The following PXYLP1 variants were observed in gnomAD, a reference collection of about 807,000 sequenced individuals.
The protein encoded by PXYLP1 is 2-phosphoxylose phosphatase 1.
Under a neutral mutation model 37.9 loss-of-function variants are expected in PXYLP1, and 17 were observed. The observed-to-expected ratio is 0.45, with a 90% confidence interval of 0.31 to 0.67. The LOEUF (loss-of-function observed/expected upper bound fraction) is 0.67, where lower values mean the gene tolerates loss of function less well. Ranked by LOEUF, PXYLP1 falls within the 30% of genes least tolerant of loss-of-function variation. PXYLP1 has a pLI of 0.07. For missense variants in PXYLP1, 511 were observed against 612.0 expected (o/e 0.84, Z 1.74); for synonymous variants, 221 against 232.2 (o/e 0.95, Z 0.44).
chr3:141,275,835 A>G (rs1273836831), intron 2 of PXYLP1, among the ~76,000 whole-genome samples: 2 of 152,172 alleles, frequency 1.3e-5, no homozygotes, highest in Non-Finnish European at 2.9e-5. Context: ...GCATAGAAAT[A>G]CAGAAATATA....
rs369687602 is a variant in PXYLP1, at chr3:141,278,994, C to G, written c.239-384C>G. ...TTGAATCCTTATTGATCTCTTTATG[C>G]CTTCTCTGGTCTCATGAAAGATTTA... On this transcript the variant is annotated intron_variant, in intron 3 of 5. Transcript: ENST00000286353. 2.1e-3 allele frequency among the ~76,000 whole-genome samples: 320 copies of G among 152,342 alleles called. 1 individual carries two copies. The highest frequency in any genetic ancestry group is 0.015 in the South Asian group (74 of 4,828).
intron 1 of PXYLP1, among the ~76,000 whole-genome samples, chr3:141,233,258 G>A (rs1940575381): frequency 6.6e-6 from 1 of 152,036 alleles, no homozygotes; most frequent in Non-Finnish European, 1.5e-5. Flanking sequence ...ACCAGAGGTC[G>A]GGAGTTCGAG....
chr3:141,268,168 G>A (rs990775890), intron 2 of PXYLP1, among the ~76,000 whole-genome samples: 1 of 129,600 alleles, frequency 7.7e-6, no homozygotes, highest in Non-Finnish European at 1.6e-5. Flanking sequence ...GGTGGGTGGG[G>A]GAGAGAGAGA....
intron 1 of PXYLP1, among the ~76,000 whole-genome samples, chr3:141,238,354 GC>G (rs1363922457): frequency 6.6e-6 from 1 of 152,210 alleles, no homozygotes; most frequent in Non-Finnish European, 1.5e-5. Flanking sequence ...TGCCCGACTA[GC>G]ACCTGCCATC....
chr3:141,271,876 C>T (rs543919886), intron 2 of PXYLP1, among the ~76,000 whole-genome samples: 10 of 152,302 alleles, frequency 6.6e-5, no homozygotes, highest in East Asian at 3.9e-4. Flanking sequence ...CAGCCCCCAC[C>T]GGGCCATGGG....
At position 141,278,442 on chromosome 3, in the gene PXYLP1, C is replaced by G. The variant is rs754497831; in HGVS notation, c.180C>G (p.Pro60=). 4 of 1,614,088 alleles carry G rather than the reference C, an allele frequency of 2.5e-6. No homozygotes were observed. In the South Asian group the frequency reaches 4.4e-5, roughly 18 times the overall value. ...TGACGGAGCCCCCTGTGACAGACCC[C>G]GTTTATGAAGCTCTTTTGTACTGCA... ...DPVTEPPVTD[P]VYEALLYCNI... is the part of the protein sequence containing the mutation. Residue 60 remains proline, a synonymous_variant, in exon 3 of 6, where the codon CCC becomes CCG. Transcript: ENST00000286353.
chr3:141,268,868 C>A (rs1405133188), intron 2 of PXYLP1, among the ~76,000 whole-genome samples: 1 of 152,158 alleles, frequency 6.6e-6, no homozygotes, highest in Non-Finnish European at 1.5e-5. Flanking sequence ...GATGCATGGC[C>A]CCTCTCTAGG....
intron 1 of PXYLP1, among the ~76,000 whole-genome samples, chr3:141,248,244 G>A (rs1941010869): frequency 6.6e-6 from 1 of 151,786 alleles, no homozygotes; most frequent in Non-Finnish European, 1.5e-5. Context: ...TGTTGGTTAG[G>A]CTGGTCTCGA....
intron 4 of PXYLP1, among the ~76,000 whole-genome samples, chr3:141,286,542 T>A (rs1258829709): frequency 3.3e-5 from 5 of 152,024 alleles, no homozygotes; most frequent in Admixed American, 3.3e-4. Context: ...GTGGTGGAAG[T>A]GTTGAAGAAT....
At chr3:141,233,252 G>A (rs753960466) in intron 1 of PXYLP1, among the ~76,000 whole-genome samples, 13 of 152,276 alleles carry the variant, frequency 8.5e-5, no homozygotes, top group Non-Finnish European at 1.5e-4. Context: ...CGGATCACCA[G>A]AGGTCGGGAG....
chr3:141,256,239 C>T lies in PXYLP1; in HGVS notation c.-53-3884C>T, dbSNP rs545683048. ...AGGGCTCTGCCTGTTGTGAGATTTG[C>T]TCCCCACCGCCACCTGCTCTTTTGT... On this transcript the variant is annotated intron_variant, in intron 1 of 5. Transcript: ENST00000286353. Among the ~76,000 whole-genome samples, 3 of 152,254 alleles carry T rather than the reference C, an allele frequency of 2.0e-5. No homozygotes were observed. In the South Asian group the frequency reaches 6.2e-4, roughly 32 times the overall value.
At chr3:141,282,824 C>G (rs1241098060) in intron 4 of PXYLP1, among the ~76,000 whole-genome samples, 1 of 152,190 alleles carries the variant, frequency 6.6e-6, no homozygotes, top group Non-Finnish European at 1.5e-5. Context: ...AGGTTTCTGA[C>G]TGGGTGTCTG....
chr3:141,231,850 G>GGCGGCGA lies in PXYLP1; in HGVS notation c.-111_-105dup, dbSNP rs1161997361. On this transcript the variant is annotated 5_prime_UTR_variant, in exon 1 of 6. Coordinates refer to ENST00000286353, the MANE Select transcript of PXYLP1 (RefSeq NM_001037172.3). This position sits in a 1 kb window ranked among gnomAD's most constrained non-coding sequence, Gnocchi z 4.4. ...GCCTCCCCTCGCGCCGGGAGGAGCT[G>GGCGGCGA]GCGGCGAGCGCCGAGCCGGGCGCGC... 3.2e-4 allele frequency: 48 copies of GGCGGCGA among 150,916 alleles called. No homozygotes were observed. The highest frequency in any genetic ancestry group is 1.1e-3 in the African/African-American group (46 of 41,380). 9.3% of individuals were successfully genotyped at this position (150,916 alleles called of 1,614,324 possible).
chr3:141,292,650 C>T lies in PXYLP1; in HGVS notation c.888C>T (p.Asp296=). ...AGCTTAGAGCTGCCAACCCCATAGA[C>T]TCCATGCTCTGCCACTTCTGCCACA... is the stretch of plus-strand genomic sequence containing the variant. The part of the protein sequence containing the change: ...TKQLRAANPI[D]SMLCHFCHNV... Residue 296 remains aspartate (D), a synonymous_variant, in exon 6 of 6, where the codon GAC becomes GAT. Transcript: ENST00000286353. The surrounding 1 kb of genome is among the most constrained non-coding windows in gnomAD (Gnocchi z 4.3). The T allele has an allele frequency of 6.2e-7, 1 of 1,613,376 alleles. No individual in the cohort carries two copies. Among genetic ancestry groups the T allele is most frequent in the Non-Finnish European group, 8.5e-7 (1 of 1,179,624 alleles).
intron 1 of PXYLP1, chr3:141,232,476 G>C (rs996630771): frequency 8.5e-5 from 13 of 152,288 alleles, no homozygotes; most frequent in Admixed American, 7.2e-4. Flanking sequence ...TCCCGGAGAC[G>C]GGGCTGGCTC....
At chr3:141,268,189 G>T (rs1941570980) in intron 2 of PXYLP1, among the ~76,000 whole-genome samples, 1 of 98,414 alleles carries the variant, frequency 1.0e-5, no homozygotes, top group Non-Finnish European at 2.1e-5. Flanking sequence ...GAGAGAGAGA[G>T]AGAGAGAGAG....
intron 3 of PXYLP1, 26 bp from the exon 4 acceptor site, chr3:141,279,352 C>T (rs757049989): frequency 6.1e-5 from 99 of 1,613,578 alleles, no homozygotes; most frequent in Non-Finnish European, 8.0e-5. Flanking sequence ...TGAGTGATAA[C>T]CAGACAATGT....
intron 1 of PXYLP1, among the ~76,000 whole-genome samples, chr3:141,232,689 A>G (rs1356222627): frequency 1.3e-5 from 2 of 152,136 alleles, no homozygotes; most frequent in Admixed American, 1.3e-4. Flanking sequence ...ACAGAGAGAG[A>G]GAGAATGGAT....
At chr3:141,236,353 A>T (rs1300018074) in intron 1 of PXYLP1, 1 of 152,226 alleles carries the variant, frequency 6.6e-6, no homozygotes, top group East Asian at 1.9e-4. Context: ...AGCTGTAATC[A>T]ATAGCATATT....
Sources: gnomAD v4.1 joint callset for allele counts (sites outside exome capture counted in the v4.1 genomes callset) on GRCh38, gnomAD v4.1.1 for gene constraint, Gnocchi (gnomAD v3.1) non-coding constraint, MANE v1.5 for transcripts, NCBI Gene and HGNC (gene_info 2026-07-23, HGNC 2026-07-21) for gene names.